TTC8: variants seen among roughly 807,000 people sequenced by gnomAD.
TTC8 encodes tetratricopeptide repeat protein 8.
Under a neutral mutation model 72.5 loss-of-function variants are expected in TTC8, and 47 were observed. The observed-to-expected ratio is 0.65, with a 90% CI of 0.51 to 0.83. The LOEUF is 0.83. TTC8 is among the 40% of genes least tolerant of loss of function. TTC8 has a pLI of 0.00. For missense variants in TTC8, 611 were observed against 623.2 expected (o/e 0.98, Z 0.21); for synonymous variants, 199 against 221.4 (o/e 0.90, Z 0.90).
At chr14:88,873,100 T>C (rs182233489) in intron 13 of TTC8, among the ~76,000 whole-genome samples, 1 of 152,308 alleles carries the variant, frequency 6.6e-6, no homozygotes, top group African/African-American at 2.4e-5. Flanking sequence ...CTCCTTCAAC[T>C]TGGAATAAAA....
chr14:88,840,628 G>A (rs2094775694), intron 3 of TTC8, among the ~76,000 whole-genome samples: 1 of 152,058 alleles, frequency 6.6e-6, no homozygotes, highest in Non-Finnish European at 1.5e-5. Flanking sequence ...GTGAACCTTT[G>A]TTAAATAGGT....
In TTC8 at chr14:88,845,505, G is replaced by A. The variant is rs549261205; in HGVS notation, c.624+1655G>A. ...ATGTGGTGTTCATAGATGTGGTTAT[G>A]TAGGGAAAAGAAAAAATGAAGGTTG... On this transcript the variant is annotated intron_variant, in intron 7 of 14. Coordinates refer to ENST00000380656, the MANE Select transcript of TTC8 (RefSeq NM_144596.4). Among the ~76,000 whole-genome samples the A allele has an allele frequency of 1.8e-4, 28 of 152,308 alleles. 1 individual carries two copies. The South Asian group carries it at 4.8e-3, about 26-fold the overall frequency.
In TTC8 at chr14:88,867,705, G is replaced by A. The variant is rs548938734; in HGVS notation, c.910-2354G>A. Among the ~76,000 whole-genome samples, 254 of 152,176 alleles carry A rather than the reference G, an allele frequency of 1.7e-3. 1 individual carries two copies. Among genetic ancestry groups the A allele is most frequent in the Non-Finnish European group, 2.5e-3 (170 of 67,994 alleles). Reference sequence around the variant, plus strand: ...TAGGTGTTTCAGTCTAAAATTCCTCGAGATTACATAAATTAATTTCTGTGT... The same window carrying A: ...TAGGTGTTTCAGTCTAAAATTCCTCAAGATTACATAAATTAATTTCTGTGT... On this transcript the variant is annotated intron_variant, in intron 10 of 14. Transcript: ENST00000380656.
chr14:88,834,349 A>T (rs1329291641), intron 2 of TTC8, among the ~76,000 whole-genome samples: 1 of 152,198 alleles, frequency 6.6e-6, no homozygotes, highest in East Asian at 1.9e-4. Flanking sequence ...GATACTTTTA[A>T]TCCAGGAGAG....
At chr14:88,827,237 C>G (rs181310312) in intron 1 of TTC8, among the ~76,000 whole-genome samples, 32 of 152,228 alleles carry the variant, frequency 2.1e-4, no homozygotes, top group Admixed American at 2.1e-3. Flanking sequence ...TCATTGAGTG[C>G]TTACTACAGA....
Position 88,861,278 on chromosome 14 carries a change from A to C in TTC8, c.855A>C (p.Leu285Phe), listed in dbSNP as rs774379732. Residue 285 changes from leucine to phenylalanine, a missense_variant, in exon 10 of 15, where the codon TTA becomes TTC. Coordinates refer to ENST00000380656, the MANE Select transcript of TTC8 (RefSeq NM_144596.4). ...CTTTAAATCTTTTCAAACAAGGCTT[A>C]GATAAGTTTCCAGGAGAAGTAACCC... ...VTALNLFKQGLDKFPGEVTLL... is the reference protein window; with the variant it reads ...VTALNLFKQGFDKFPGEVTLL... 13 of 1,612,954 alleles carry C rather than the reference A, an allele frequency of 8.1e-6. No homozygotes were observed. The highest frequency in any genetic ancestry group is 1.3e-5 in the African/African-American group (1 of 74,904).
intron 6 of TTC8, among the ~76,000 whole-genome samples, chr14:88,842,176 G>T (rs974557693): frequency 1.3e-5 from 2 of 152,146 alleles, no homozygotes; most frequent in African/African-American, 4.8e-5. Context: ...ATAATTCAGA[G>T]ACAGGAGCAC....
Position 88,824,824 on chromosome 14 carries a change from A to G in TTC8, c.114+3A>G. On this transcript the variant is annotated splice_donor_region_variant and intron_variant, in intron 1 of 14. Coordinates refer to ENST00000380656, the MANE Select transcript of TTC8 (RefSeq NM_144596.4). ...TGGAGAAGTCCCCTTATGACCAGGT[A>G]CCGGCCAGCTCCCGTCAGCCTGTGC... The G allele has an allele frequency of 6.2e-7, 1 of 1,610,382 alleles. No homozygotes were observed. The highest frequency in any genetic ancestry group is 8.5e-7 in the Non-Finnish European group (1 of 1,177,814).
Position 88,877,375 on chromosome 14 carries a change from A to G in TTC8, c.1513A>G (p.Ile505Val). 1 of 1,613,796 alleles carries G rather than the reference A, an allele frequency of 6.2e-7. No individual in the cohort carries two copies. The highest frequency in any genetic ancestry group is 1.7e-4 in the Middle Eastern group (1 of 6,060). The change falls in exon 15 of 15, where the codon ATT becomes GTT. Residue 505 changes from isoleucine to valine, a missense_variant. By Grantham distance (29) the Ile-to-Val change is conservative (BLOSUM62 3). Transcript: ENST00000380656. ...AGACCATGTGGACACACAACATTTA[A>G]TTAAACAATTAAGGCAGCATTTTGC... is the stretch of plus-strand genomic sequence containing the variant. ...FPDHVDTQHL[I>V]KQLRQHFAML is the part of the protein sequence containing the mutation.
chr14:88,862,435 G>A (rs2094889915), intron 10 of TTC8, among the ~76,000 whole-genome samples: 1 of 146,880 alleles, frequency 6.8e-6, no homozygotes. Context: ...GTATAAGAAT[G>A]GACAAACAAT....
chr14:88,855,509 A>G (rs1409549875), intron 8 of TTC8, among the ~76,000 whole-genome samples: 1 of 152,176 alleles, frequency 6.6e-6, no homozygotes, highest in Non-Finnish European at 1.5e-5. Context: ...ATAGTATTAG[A>G]TTAAGTTCTC....
At chr14:88,832,102 T>G (rs1018301978) in intron 1 of TTC8, among the ~76,000 whole-genome samples, 1 of 152,078 alleles carries the variant, frequency 6.6e-6, no homozygotes, top group Non-Finnish European at 1.5e-5. Context: ...TCTCATTTTC[T>G]CTTCTGACCT....
rs781374961 is a variant in TTC8, at chr14:88,824,699, C to T, written c.-9C>T. On this transcript the variant is annotated 5_prime_UTR_variant, in exon 1 of 15. Transcript: ENST00000380656. ...GAGCGCTGGGCCTTCGCTGGCCGCA[C>T]CGGCAGCCATGAGCTCGGAGATGGA... The T allele has an allele frequency of 1.9e-6, 3 of 1,597,674 alleles. No individual in the cohort carries two copies. The highest frequency in any genetic ancestry group is 2.7e-5 in the African/African-American group (2 of 74,738).
intron 1 of TTC8, among the ~76,000 whole-genome samples, chr14:88,831,865 C>T (rs1330913454): frequency 6.6e-6 from 1 of 152,140 alleles, no homozygotes; most frequent in Non-Finnish European, 1.5e-5. Flanking sequence ...TTCTCTGACT[C>T]TCTTATCTTC....
rs535997723 is a variant in TTC8 at position 88,873,001 on chromosome 14, A to G, written c.1347+549A>G. Reference sequence around the variant, plus strand: ...TTACATCAGCAAGTCAGTGCACTCTATGATACACTCTTCTCAGAACAACCT... The same window carrying G: ...TTACATCAGCAAGTCAGTGCACTCTGTGATACACTCTTCTCAGAACAACCT... On this transcript the variant is annotated intron_variant, in intron 13 of 14. Transcript: ENST00000380656. Among the ~76,000 whole-genome samples, 6 of 152,292 alleles carry G rather than the reference A, an allele frequency of 3.9e-5. No homozygotes were observed. The South Asian group carries it at 8.3e-4, about 21-fold the overall frequency.
intron 9 of TTC8, 124 bp downstream of exon 9, chr14:88,857,401 A>C (rs751000922): frequency 3.5e-5 from 30 of 865,738 alleles, no homozygotes; most frequent in Non-Finnish European, 5.6e-5. Flanking sequence ...GTTTAGATTT[A>C]ACTTGTTTTT....
intron 7 of TTC8, among the ~76,000 whole-genome samples, chr14:88,851,517 A>G (rs2140996957): frequency 6.6e-6 from 1 of 152,310 alleles, no homozygotes; most frequent in South Asian, 2.1e-4. Context: ...CATGAGAAGG[A>G]CTATGGTCTA....
At chr14:88,842,568 G>A (rs142596560) in intron 6 of TTC8, among the ~76,000 whole-genome samples, 7 of 152,254 alleles carry the variant, frequency 4.6e-5, no homozygotes, top group Middle Eastern at 6.8e-3. Context: ...CTTTAAGGTC[G>A]CTTACTTGAA....
Position 88,877,541 on chromosome 14 carries a change from T to A in TTC8, c.*131T>A. ...AACCTGTCCTTGATATTAGTTAAGG[T>A]GACACATAAGGGTGACACAGAATGT... On this transcript the variant is annotated 3_prime_UTR_variant, in exon 15 of 15. Transcript: ENST00000380656. 1 of 764,186 alleles carries A rather than the reference T, an allele frequency of 1.3e-6. No homozygotes were observed. The highest frequency in any genetic ancestry group is 2.3e-6 in the Non-Finnish European group (1 of 427,504). The allele number at this position is 764,186 out of a possible 1,614,324, so 47.3% of individuals were successfully genotyped here. A position where few individuals can be genotyped will look rare whatever the true frequency, so the allele number is the denominator to read the frequency against.
Sources: gnomAD v4.1 joint callset for allele counts (sites outside exome capture counted in the v4.1 genomes callset) on GRCh38, gnomAD v4.1.1 for gene constraint, MANE v1.5 for transcripts, NCBI Gene and HGNC (gene_info 2026-07-23, HGNC 2026-07-21) for gene names.